The following PRELID2 variants were observed in gnomAD, a reference collection of about 807,000 sequenced individuals.
The protein encoded by PRELID2 is PRELI domain-containing protein 2.
A neutral mutation model predicts 28.4 loss-of-function variants in PRELID2; 25 were observed. The observed-to-expected ratio is 0.88, with a 90% CI of 0.64 to 1.23. The LOEUF is 1.23. Ranked by LOEUF, PRELID2 falls within the 50% of genes most tolerant of loss-of-function variation. PRELID2 has a pLI of 0.00. For missense variants in PRELID2, 201 were observed against 214.4 expected, an observed-to-expected ratio of 0.94 and a Z score of 0.39; for synonymous variants, 76 against 71.6, an observed-to-expected ratio of 1.06 and a Z score of -0.31.
chr5:145,703,772 A>C (rs1346644940), intron 1 of PRELID2: 1 of 152,156 alleles, frequency 6.6e-6, no homozygotes, highest in Non-Finnish European at 1.5e-5. Context: ...GCATCACACA[A>C]CAAATTTCCC....
chr5:145,741,517 AATTT>A (rs1209326007), intron 1 of PRELID2, among the ~76,000 whole-genome samples: 5 of 121,198 alleles, frequency 4.1e-5, no homozygotes, highest in Non-Finnish European at 4.8e-5. Flanking sequence ...ATTTATAAAT[AATTT>A]ATTTATATAT....
chr5:145,462,047 T>C, the PRELID2 span, among the ~76,000 whole-genome samples: 1 of 152,226 alleles, frequency 6.6e-6, no homozygotes, highest in Non-Finnish European at 1.5e-5. Context: ...ATTATTGCCA[T>C]TCTGGAGTGT....
chr5:145,251,220 G>A, the PRELID2 span, among the ~76,000 whole-genome samples: 1 of 152,066 alleles, frequency 6.6e-6, no homozygotes, highest in East Asian at 1.9e-4. Flanking sequence ...AGAGGGCAAT[G>A]GGAGGCATAC....
At chr5:145,235,842 T>C in the PRELID2 span, among the ~76,000 whole-genome samples, 1 of 152,092 alleles carries the variant, frequency 6.6e-6, no homozygotes, top group Non-Finnish European at 1.5e-5. Flanking sequence ...GCAATATTTT[T>C]GTCCTATAAT....
chr5:145,723,679 G>GT (rs1278685009), intron 1 of PRELID2, among the ~76,000 whole-genome samples: 1 of 152,118 alleles, frequency 6.6e-6, no homozygotes, highest in Non-Finnish European at 1.5e-5. Context: ...TTGGCAAAAA[G>GT]TTTAAAAGCT....
At chr5:145,262,036 A>G in the PRELID2 span, among the ~76,000 whole-genome samples, 1 of 152,312 alleles carries the variant, frequency 6.6e-6, no homozygotes, top group Non-Finnish European at 1.5e-5. Flanking sequence ...ACACACTTAG[A>G]CAAATGCAAA....
At chr5:145,364,116 G>T in the PRELID2 span, among the ~76,000 whole-genome samples, 1 of 151,890 alleles carries the variant, frequency 6.6e-6, no homozygotes, top group African/African-American at 2.4e-5. Flanking sequence ...AAATTAATGG[G>T]TTATCAGAAG....
intron 5 of PRELID2, among the ~76,000 whole-genome samples, chr5:145,779,184 A>C (rs1758608654): frequency 6.6e-6 from 1 of 152,228 alleles, no homozygotes; most frequent in African/African-American, 2.4e-5. Context: ...ATAAATATTT[A>C]TTGAGCATTG....
chr5:145,621,346 C>A (rs1161563688), intron 1 of PRELID2, among the ~76,000 whole-genome samples: 1 of 152,100 alleles, frequency 6.6e-6, no homozygotes, highest in African/African-American at 2.4e-5. Context: ...GTAAAATGTG[C>A]AGCTACAACT....
chr5:145,442,149 A>G, the PRELID2 span, among the ~76,000 whole-genome samples: 2 of 152,116 alleles, frequency 1.3e-5, no homozygotes, highest in Non-Finnish European at 2.9e-5. Flanking sequence ...ATATTTCAGC[A>G]AAATAGATAT....
chr5:145,724,667 A>G (rs1220694743), intron 1 of PRELID2, among the ~76,000 whole-genome samples: 2 of 124,868 alleles, frequency 1.6e-5, no homozygotes, highest in East Asian at 4.9e-4. Context: ...ACTTACTTGC[A>G]AACAGTTCTT....
intron 1 of PRELID2, among the ~76,000 whole-genome samples, chr5:145,506,962 C>A (rs1487092120): frequency 6.6e-6 from 1 of 152,126 alleles, no homozygotes; most frequent in Non-Finnish European, 1.5e-5. Flanking sequence ...TCAATTAACT[C>A]ATTTGTTTGT....
the PRELID2 span, among the ~76,000 whole-genome samples, chr5:145,273,305 G>A: frequency 6.6e-6 from 1 of 152,092 alleles, no homozygotes; most frequent in African/African-American, 2.4e-5. Flanking sequence ...TGGACTGGGA[G>A]CAAATGCTTT....
chr5:145,362,887 T>C, the PRELID2 span, among the ~76,000 whole-genome samples: 2 of 152,040 alleles, frequency 1.3e-5, no homozygotes, highest in South Asian at 4.1e-4. Flanking sequence ...CCCATATATA[T>C]GGTAGATAAA....
chr5:145,267,324 A>G, the PRELID2 span, among the ~76,000 whole-genome samples: 1 of 152,012 alleles, frequency 6.6e-6, no homozygotes, highest in Non-Finnish European at 1.5e-5. Context: ...CCAAATGTTA[A>G]TCTCCTCTGG....
Position 145,739,082 on chromosome 5 carries a change from T to C in PRELID2, n.70+25849A>G, listed in dbSNP as rs150238808. 1.5e-3 allele frequency among the ~76,000 whole-genome samples: 233 copies of C among 152,236 alleles called. 1 individual carries two copies. In the East Asian group the frequency reaches 0.021, roughly 14 times the overall value. On this transcript the variant is annotated intron_variant and non_coding_transcript_variant, in intron 1 of 2. Transcript: ENST00000510259. ...GAATCCTAAATATCCAGTAAAAATA[T>C]CCTTCAGGAGTTAAGAGGAAATCAA...
At chr5:145,777,352 A>G (rs79760909) in intron 5 of PRELID2, among the ~76,000 whole-genome samples, 2,514 of 152,218 alleles carry the variant, frequency 0.017, 56 homozygotes, top group Admixed American at 0.044. Flanking sequence ...ACAGGCATGC[A>G]TGAGCCACTG....
chr5:145,598,505 C>T (rs2149636120), intron 1 of PRELID2, among the ~76,000 whole-genome samples: 1 of 152,242 alleles, frequency 6.6e-6, no homozygotes, highest in East Asian at 1.9e-4. Context: ...AATGTGCTTA[C>T]TAAATTGCAC....
the PRELID2 span, among the ~76,000 whole-genome samples, chr5:145,315,696 A>G: frequency 6.6e-6 from 1 of 152,118 alleles, no homozygotes; most frequent in African/African-American, 2.4e-5. Flanking sequence ...TTTGGAAACA[A>G]TGAAGATACT....
Sources: gnomAD v4.1 joint callset for allele counts (sites outside exome capture counted in the v4.1 genomes callset) on GRCh38, gnomAD v4.1.1 for gene constraint, MANE v1.5 for transcripts, NCBI Gene and HGNC (gene_info 2026-07-23, HGNC 2026-07-21) for gene names.